The following LRP4 variants were observed in gnomAD, a reference collection of about 807,000 sequenced individuals.
LRP4 encodes the protein LDL receptor related protein 4, also known as low-density lipoprotein receptor-related protein 4.
Under a neutral mutation model 220.3 loss-of-function variants are expected in LRP4, and 95 were observed. The observed-to-expected ratio is 0.43, with a 90% CI of 0.37 to 0.51. LRP4 has a LOEUF of 0.51. Among genes scored for constraint, LRP4 ranks in the 20% least tolerant of loss-of-function variants. The probability of loss-of-function intolerance (pLI) is 0.00; values close to 1 mark genes in which losing one functional copy is unlikely to be tolerated. For synonymous variants in LRP4, 903 were observed against 954.6 expected, an observed-to-expected ratio of 0.95 and a Z score of 1.00; for missense variants, 1,925 against 2,567.0, an observed-to-expected ratio of 0.75 and a Z score of 5.40.
At chr11:46,914,470 C>A (rs1365611406) in intron 1 of LRP4, among the ~76,000 whole-genome samples, 35 of 152,228 alleles carry the variant, frequency 2.3e-4, no homozygotes, top group Admixed American at 2.3e-3. Context: ...GTGAGAGTGA[C>A]AAGCCCATGC....
intron 34 of LRP4, 49 bp downstream of exon 34, chr11:46,867,930 A>G: frequency 6.2e-7 from 1 of 1,613,016 alleles, no homozygotes; most frequent in Non-Finnish European, 8.5e-7. Flanking sequence ...TGGTCATGGG[A>G]TGGTGATTTG....
intron 34 of LRP4, 70 bp from the exon 35 acceptor site, chr11:46,865,256 AG>A: frequency 8.8e-7 from 1 of 1,137,058 alleles, no homozygotes; most frequent in Non-Finnish European, 1.3e-6. Flanking sequence ...CCTCCAGGAA[AG>A]GGGGAAAGGC....
Position 46,899,593 on chromosome 11 carries a change from G to C in LRP4, c.431-90C>G. On this transcript the variant is annotated intron_variant, in intron 4 of 37. Transcript: ENST00000378623. The surrounding 1 kb of genome is among the most constrained non-coding windows in gnomAD (Gnocchi z 5.9). ...TCTGACTCCCAACCTCACTGGCTTT[G>C]GCGGGTCTGACCTAGCCCCCGAAAG... The C allele has an allele frequency of 1.0e-6, 1 of 999,550 alleles. No homozygotes were observed. Among genetic ancestry groups the C allele is most frequent in the South Asian group, 1.3e-5 (1 of 78,426 alleles). 61.9% of individuals were successfully genotyped at this position (999,550 alleles called of 1,614,324 possible).
chr11:46,900,943 C>T (rs1055129855), intron 2 of LRP4, among the ~76,000 whole-genome samples: 1 of 152,078 alleles, frequency 6.6e-6, no homozygotes, highest in Non-Finnish European at 1.5e-5. Context: ...CCCGCTGCCA[C>T]ACCCAGCTAT....
At chr11:46,881,181 G>T (rs905815271) in intron 20 of LRP4, among the ~76,000 whole-genome samples, 17 of 151,310 alleles carry the variant, frequency 1.1e-4, no homozygotes, top group Non-Finnish European at 7.4e-5. Context: ...ATGTGCACAG[G>T]AATAGTCTGG....
At chr11:46,908,815 TTC>T (rs1941805290) in intron 1 of LRP4, among the ~76,000 whole-genome samples, 2 of 152,240 alleles carry the variant, frequency 1.3e-5, no homozygotes, top group African/African-American at 4.8e-5. Flanking sequence ...GGAACAGGGC[TTC>T]CCATAACAAA....
intron 33 of LRP4, 117 bp downstream of exon 33, chr11:46,868,483 G>A (rs1940762304): frequency 1.2e-6 from 1 of 820,004 alleles, no homozygotes; most frequent in African/African-American, 1.7e-5. Flanking sequence ...CCACTAATAA[G>A]ACCTTCTTTA....
At chr11:46,902,530 G>A (rs762968285) in intron 2 of LRP4, among the ~76,000 whole-genome samples, 8 of 152,142 alleles carry the variant, frequency 5.3e-5, no homozygotes, top group Non-Finnish European at 8.8e-5. Flanking sequence ...ACTCCCTGTT[G>A]TGTTCTCTTA....
intron 13 of LRP4, among the ~76,000 whole-genome samples, chr11:46,892,322 G>A (rs1447716144): frequency 5.3e-5 from 8 of 152,102 alleles, no homozygotes; most frequent in Middle Eastern, 3.2e-3. Context: ...TCAACCTTAT[G>A]AGCTAATAAT....
At chr11:46,878,572 C>G (rs1941073839) in intron 22 of LRP4, among the ~76,000 whole-genome samples, 1 of 152,062 alleles carries the variant, frequency 6.6e-6, no homozygotes, top group Non-Finnish European at 1.5e-5. Flanking sequence ...CCGTGCCCAG[C>G]CAGAAGTGTC....
chr11:46,867,966 T>C lies in LRP4; in HGVS notation c.5087+13A>G, dbSNP rs974667486. ...AATCAAAGGGCCCATGATCCTGCAT[T>C]GAACCTATTTACCTTCCTTCCACCT... On this transcript the variant is annotated intron_variant, in intron 34 of 37. Coordinates refer to ENST00000378623, the MANE Select transcript of LRP4 (RefSeq NM_002334.4). The C allele has an allele frequency of 5.6e-6, 9 of 1,614,044 alleles. No individual in the cohort carries two copies. The African/African-American group carries it at 8.0e-5, about 14-fold the overall frequency.
chr11:46,898,866 C>T (rs771588013), intron 6 of LRP4, 38 bp downstream of exon 6: 2 of 1,613,516 alleles, frequency 1.2e-6, no homozygotes, highest in South Asian at 1.1e-5. Context: ...TTCTTCCCAG[C>T]CTGGCCTCCC....
At chr11:46,895,127 G>C (rs374311207) in intron 11 of LRP4, 39 bp downstream of exon 11, 1 of 1,612,068 alleles carries the variant, frequency 6.2e-7, no homozygotes. Context: ...CTCCATGCTC[G>C]GCCCTCTGCC....
In LRP4 at chr11:46,875,705, G is replaced by C; in HGVS notation, c.3700-24C>G. On this transcript the variant is annotated intron_variant, in intron 26 of 37. Coordinates refer to ENST00000378623, the MANE Select transcript of LRP4 (RefSeq NM_002334.4). The surrounding 1 kb of genome is among the most constrained non-coding windows in gnomAD (Gnocchi z 4.5). The stretch of plus-strand genomic sequence containing the variant: ...CGCTGCAGAGGAAGGAGAGGGTGGG[G>C]GGTGGTGATCAGCAGATTGGGAACT... 6.2e-7 allele frequency: 1 copy of C among 1,612,542 alleles called. No homozygotes were observed.
In LRP4 at chr11:46,881,866, T is replaced by C. The variant is rs1489861186; in HGVS notation, c.2650A>G (p.Ile884Val). Reference protein sequence around the residue: ...YWTDWGASPKIERAGMDASGR... With the variant: ...YWTDWGASPKVERAGMDASGR... The stretch of plus-strand genomic sequence containing the variant: ...GAGGCATCCATGCCAGCTCGTTCAA[T>C]CTTGGGGCTCGCACCCCAGTCAGTC... Residue 884 changes from isoleucine to valine, a missense_variant, in exon 20 of 38, where the codon ATT becomes GTT. Around this residue, in one of 3 missense-constraint regions of LRP4, gnomAD observed 1,244 missense variants for 1,624.9 expected, o/e 0.77. Coordinates refer to ENST00000378623, the MANE Select transcript of LRP4 (RefSeq NM_002334.4). The C allele has an allele frequency of 6.2e-7, 1 of 1,614,008 alleles. No homozygotes were observed. The highest frequency in any genetic ancestry group is 8.5e-7 in the Non-Finnish European group (1 of 1,180,004).
At chr11:46,897,492 C>T (rs1424391597) in intron 7 of LRP4, among the ~76,000 whole-genome samples, 1 of 150,038 alleles carries the variant, frequency 6.7e-6, no homozygotes, top group Non-Finnish European at 1.5e-5. Context: ...ACAAAGGTCT[C>T]TGGTTTTCCT....
In LRP4 at chr11:46,896,899, T is replaced by C; in HGVS notation, c.892A>G (p.Asn298Asp). 1 of 1,614,256 alleles carries C rather than the reference T, an allele frequency of 6.2e-7. No homozygotes were observed. The highest frequency in any genetic ancestry group is 8.5e-7 in the Non-Finnish European group (1 of 1,180,044). The change falls in exon 8 of 38, where the codon AAC (asparagine) becomes GAC (aspartate). Residue 298 changes from asparagine (N) to aspartate (D), a missense_variant. Coordinates refer to ENST00000378623, the MANE Select transcript of LRP4 (RefSeq NM_002334.4). Reference sequence around the variant, plus strand: ...TTCTCACAGTTCTCTTCATCGCTGTTGTCTGCACAGTCGTCCTCCCCATCA... The same window carrying C: ...TTCTCACAGTTCTCTTCATCGCTGTCGTCTGCACAGTCGTCCTCCCCATCA... Reference protein sequence around the residue: ...RCDGEDDCADNSDEENCENTG... With the variant: ...RCDGEDDCADDSDEENCENTG...
chr11:46,912,977 T>G (rs1261431685), intron 1 of LRP4, among the ~76,000 whole-genome samples: 1 of 152,138 alleles, frequency 6.6e-6, no homozygotes, highest in Non-Finnish European at 1.5e-5. Context: ...GATCCTCAGC[T>G]GTGCATAGAG....
chr11:46,868,849 A>G lies in LRP4; in HGVS notation c.4838-136T>C, dbSNP rs1460987389. The G allele has an allele frequency of 5.4e-6, 7 of 1,303,964 alleles. No homozygotes were observed. The South Asian group carries it at 7.2e-5, about 13-fold the overall frequency. The allele number at this position is 1,303,964 out of a possible 1,614,324, so 80.8% of individuals were successfully genotyped here. ...AGGAGGAGAGATACAACCGCGAGGG[A>G]GTAAAAAGTTCTAAGCGTTTAAAAT... On this transcript the variant is annotated intron_variant, in intron 32 of 37. Transcript: ENST00000378623.
Sources: allele counts gnomAD v4.1 joint callset (sites outside exome capture counted in the v4.1 genomes callset), GRCh38; gene constraint gnomAD v4.1.1; regional missense constraint gnomAD v4.1.1; non-coding constraint Gnocchi (gnomAD v3.1); transcripts MANE v1.5; gene names NCBI Gene and HGNC (gene_info 2026-07-23, HGNC 2026-07-21).